Variants in MYRIP observed in about 807,000 individuals in gnomAD.
MYRIP encodes the protein rab effector MyRIP.
Under a neutral mutation model 98.0 loss-of-function variants are expected in MYRIP, and 49 were observed. The ratio of observed to expected loss-of-function variants is 0.50; its 90% CI spans 0.40 to 0.63. The LOEUF (loss-of-function observed/expected upper bound fraction) is 0.63, where lower values mean the gene tolerates loss of function less well. MYRIP is among the 30% of genes least tolerant of loss of function. MYRIP has a pLI of 0.00. For missense variants in MYRIP, 1,004 were observed against 1,058.2 expected (o/e 0.95, Z 0.71); for synonymous variants, 404 against 409.5 (o/e 0.99, Z 0.16).
At chr3:39,811,481 C>G (rs774859810) in intron 1 of MYRIP, among the ~76,000 whole-genome samples, 27 of 152,138 alleles carry the variant, frequency 1.8e-4, no homozygotes, top group Non-Finnish European at 4.0e-4. Flanking sequence ...ATTTCAAAAT[C>G]TTTTTAGAGA....
intron 8 of MYRIP, 118 bp downstream of exon 8, chr3:40,170,211 G>T: frequency 7.4e-7 from 1 of 1,342,758 alleles, no homozygotes; most frequent in Non-Finnish European, 1.0e-6. Flanking sequence ...AGAAGGATGG[G>T]GAGCGAAATT....
chr3:39,878,580 GTA>G lies in MYRIP; in HGVS notation c.-30-22196_-30-22195del, dbSNP rs374344762. The stretch of plus-strand genomic sequence containing the variant: ...CAAATGTATATATATACACAGAGGT[GTA>G]TATATATATACATTTGTATGTATAG... On this transcript the variant is annotated intron_variant, in intron 1 of 16. Coordinates refer to ENST00000302541, the MANE Select transcript of MYRIP (RefSeq NM_015460.4). Among the ~76,000 whole-genome samples the G allele has an allele frequency of 9.3e-3, 1,404 of 151,554 alleles. 26 individuals are homozygous for G. The highest frequency in any genetic ancestry group is 0.032 in the African/African-American group (1,327 of 41,278).
At chr3:39,963,837 CATA>C (rs1945380003) in intron 2 of MYRIP, among the ~76,000 whole-genome samples, 1 of 152,112 alleles carries the variant, frequency 6.6e-6, no homozygotes, top group Non-Finnish European at 1.5e-5. Flanking sequence ...AGTATAGTGA[CATA>C]TTCATATTAT....
At chr3:39,987,254 G>A (rs1480313197) in intron 2 of MYRIP, among the ~76,000 whole-genome samples, 5 of 152,094 alleles carry the variant, frequency 3.3e-5, no homozygotes, top group Non-Finnish European at 7.4e-5. Context: ...GAGATCATGT[G>A]GTGTTTGGTT....
chr3:40,117,286 G>A (rs1313076917), intron 3 of MYRIP, among the ~76,000 whole-genome samples: 1 of 152,168 alleles, frequency 6.6e-6, no homozygotes, highest in Non-Finnish European at 1.5e-5. Context: ...CTGAAAATCA[G>A]GAACAGAACT....
At chr3:39,999,369 T>C (rs1277018937) in intron 2 of MYRIP, among the ~76,000 whole-genome samples, 1 of 152,168 alleles carries the variant, frequency 6.6e-6, no homozygotes, top group Non-Finnish European at 1.5e-5. Flanking sequence ...GTGAAGGATA[T>C]GAACAGACAC....
At chr3:39,886,568 A>G (rs998148538) in intron 1 of MYRIP, among the ~76,000 whole-genome samples, 6 of 151,938 alleles carry the variant, frequency 3.9e-5, no homozygotes, top group African/African-American at 1.5e-4. Context: ...ATTTTAAACC[A>G]ACAAAGATCA....
intron 2 of MYRIP, among the ~76,000 whole-genome samples, chr3:39,977,724 T>C (rs900772069): frequency 3.9e-5 from 6 of 152,206 alleles, no homozygotes; most frequent in African/African-American, 1.4e-4. Flanking sequence ...ATTTAATTTC[T>C]AGATCAACAT....
At chr3:40,139,609 G>A (rs544219255) in intron 3 of MYRIP, among the ~76,000 whole-genome samples, 11 of 151,872 alleles carry the variant, frequency 7.2e-5, no homozygotes, top group Non-Finnish European at 1.0e-4. Context: ...AGACAGGGTC[G>A]CCTTCTGTTG....
At chr3:40,207,351 G>C (rs1230993199) in intron 10 of MYRIP, among the ~76,000 whole-genome samples, 1 of 151,982 alleles carries the variant, frequency 6.6e-6, no homozygotes, top group Non-Finnish European at 1.5e-5. Context: ...TCTTCCTGTG[G>C]ACCACCTGCA....
At chr3:40,205,320 C>A (rs1318121905) in intron 10 of MYRIP, among the ~76,000 whole-genome samples, 1 of 152,286 alleles carries the variant, frequency 6.6e-6, no homozygotes, top group Admixed American at 6.5e-5. Context: ...CCCTAAAGAG[C>A]TAATGGAGTG....
At chr3:40,019,723 C>T (rs72871417) in intron 2 of MYRIP, among the ~76,000 whole-genome samples, 2,637 of 151,182 alleles carry the variant, frequency 0.017, 69 homozygotes, top group African/African-American at 0.059. Flanking sequence ...ATCCCCCCCC[C>T]GCTTTTTTTT....
At chr3:40,203,110 T>G (rs1485087797) in intron 10 of MYRIP, among the ~76,000 whole-genome samples, 1 of 151,816 alleles carries the variant, frequency 6.6e-6, no homozygotes. Flanking sequence ...TTTTATATTT[T>G]TAGTAAAGAC....
intron 3 of MYRIP, among the ~76,000 whole-genome samples, chr3:40,119,170 G>A (rs1949346151): frequency 6.6e-6 from 1 of 151,950 alleles, no homozygotes; most frequent in African/African-American, 2.4e-5. Flanking sequence ...CTTCCACAAT[G>A]GTTGAACTAG....
At chr3:40,005,669 TA>T (rs1211396369) in intron 2 of MYRIP, among the ~76,000 whole-genome samples, 2 of 152,254 alleles carry the variant, frequency 1.3e-5, no homozygotes, top group Non-Finnish European at 2.9e-5. Flanking sequence ...TTCTCATGGA[TA>T]ACAGTCTTCC....
chr3:39,945,490 AAGAAAAAAG>A (rs1238622601), intron 2 of MYRIP, among the ~76,000 whole-genome samples: 5 of 131,272 alleles, frequency 3.8e-5, no homozygotes, highest in African/African-American at 1.0e-4. Flanking sequence ...AAAAAAAAAA[AAGAAAAAAG>A]AAAAAAAAAG....
chr3:40,025,169 C>T (rs1947094777), intron 2 of MYRIP, among the ~76,000 whole-genome samples: 1 of 152,156 alleles, frequency 6.6e-6, no homozygotes, highest in South Asian at 2.1e-4. Context: ...AGACAGCACT[C>T]ATGTGGGATG....
chr3:39,989,279 G>T (rs1250303367), intron 2 of MYRIP, among the ~76,000 whole-genome samples: 1 of 152,054 alleles, frequency 6.6e-6, no homozygotes, highest in Non-Finnish European at 1.5e-5. Context: ...CAGTTATCAG[G>T]TCCCTCTTCT....
At chr3:39,821,049 GAAAAAC>G (rs1159357709) in intron 1 of MYRIP, among the ~76,000 whole-genome samples, 2 of 152,132 alleles carry the variant, frequency 1.3e-5, no homozygotes, top group African/African-American at 4.8e-5. Flanking sequence ...CAAAGAGAAT[GAAAAAC>G]AAAAGACCAA....
Sources: gnomAD v4.1 joint callset for allele counts (sites outside exome capture counted in the v4.1 genomes callset) on GRCh38, gnomAD v4.1.1 for gene constraint, MANE v1.5 for transcripts, NCBI Gene and HGNC (gene_info 2026-07-23, HGNC 2026-07-21) for gene names.